GOLPH3L: variants seen among roughly 807,000 people sequenced by gnomAD.
The protein encoded by GOLPH3L is Golgi phosphoprotein 3-like.
GOLPH3L carries 22 observed loss-of-function variants against 30.3 expected under a neutral mutation model. That is an observed-to-expected ratio of 0.73 (90% CI 0.52 to 1.04). GOLPH3L has a LOEUF of 1.04. Ranked by LOEUF, GOLPH3L falls within the 50% of genes least tolerant of loss-of-function variation. The pLI is 0.00. For missense variants in GOLPH3L, 303 were observed against 345.8 expected, an observed-to-expected ratio of 0.88 and a Z score of 0.98; for synonymous variants, 120 against 128.2, an observed-to-expected ratio of 0.94 and a Z score of 0.43.
intron 2 of GOLPH3L, among the ~76,000 whole-genome samples, chr1:150,672,612 G>A (rs948467200): frequency 6.6e-6 from 1 of 152,088 alleles, no homozygotes; most frequent in East Asian, 1.9e-4. Flanking sequence ...TGTATTTTTA[G>A]TAGAGACGGG....
At chr1:150,660,672 G>A (rs936435667) in intron 4 of GOLPH3L, among the ~76,000 whole-genome samples, 3 of 152,196 alleles carry the variant, frequency 2.0e-5, no homozygotes, top group African/African-American at 7.2e-5. Flanking sequence ...TGGTGAATAA[G>A]CTAGGGAAAG....
intron 2 of GOLPH3L, among the ~76,000 whole-genome samples, chr1:150,676,596 C>A (rs1313814316): frequency 6.6e-6 from 1 of 151,364 alleles, no homozygotes; most frequent in Non-Finnish European, 1.5e-5. Context: ...AATCTGGAGC[C>A]AAAGTCCATA....
chr1:150,654,517 A>C (rs1397498555), intron 4 of GOLPH3L, among the ~76,000 whole-genome samples: 1 of 151,054 alleles, frequency 6.6e-6, no homozygotes, highest in Non-Finnish European at 1.5e-5. Flanking sequence ...TAAAAAAAAA[A>C]AACAAAAAAA....
chr1:150,655,208 T>G (rs1407269402), intron 4 of GOLPH3L, among the ~76,000 whole-genome samples: 1 of 152,172 alleles, frequency 6.6e-6, no homozygotes, highest in Non-Finnish European at 1.5e-5. Context: ...TTTCAATCAT[T>G]TCTCTACAGC....
intron 2 of GOLPH3L, among the ~76,000 whole-genome samples, chr1:150,674,166 G>A (rs1435459712): frequency 6.6e-6 from 1 of 151,420 alleles, no homozygotes; most frequent in East Asian, 1.9e-4. Flanking sequence ...TTCAAAAGAG[G>A]CAGTACTCTT....
intron 2 of GOLPH3L, 113 bp from the exon 3 acceptor site, chr1:150,663,876 G>T: frequency 1.3e-6 from 1 of 760,182 alleles, no homozygotes; most frequent in South Asian, 1.8e-5. Flanking sequence ...CATACTACAT[G>T]AACTCAAAGT....
intron 2 of GOLPH3L, among the ~76,000 whole-genome samples, chr1:150,679,113 A>G (rs187530041): frequency 6.6e-6 from 1 of 152,248 alleles, no homozygotes; most frequent in East Asian, 1.9e-4. Flanking sequence ...CAATTTTAAG[A>G]CTGGTATTAT....
chr1:150,667,013 C>G (rs1650523911), intron 2 of GOLPH3L, among the ~76,000 whole-genome samples: 1 of 152,136 alleles, frequency 6.6e-6, no homozygotes, highest in Non-Finnish European at 1.5e-5. Context: ...AGGGAAAGAT[C>G]TGTTTCTGCC....
chr1:150,650,175 T>C (rs1650073526), intron 4 of GOLPH3L, among the ~76,000 whole-genome samples: 1 of 152,022 alleles, frequency 6.6e-6, no homozygotes, highest in Non-Finnish European at 1.5e-5. Context: ...CACACACACA[T>C]ATCCAACAGT....
At chr1:150,663,283 G>T (rs959438564) in intron 3 of GOLPH3L, among the ~76,000 whole-genome samples, 30 of 151,844 alleles carry the variant, frequency 2.0e-4, no homozygotes, top group African/African-American at 6.3e-4. Context: ...CTCATGATCC[G>T]CCCGCCTCGG....
chr1:150,650,450 C>T (rs1650079331), intron 4 of GOLPH3L, among the ~76,000 whole-genome samples: 1 of 152,172 alleles, frequency 6.6e-6, no homozygotes, highest in Admixed American at 6.5e-5. Flanking sequence ...TAGCAGGTGT[C>T]CCCAACCCCT....
intron 2 of GOLPH3L, among the ~76,000 whole-genome samples, chr1:150,664,660 G>A (rs1460291650): frequency 6.6e-6 from 1 of 151,932 alleles, no homozygotes; most frequent in Non-Finnish European, 1.5e-5. Context: ...CACTATGTTG[G>A]TCAAGCTGGT....
Position 150,646,314 on chromosome 1 carries a change from G to T in GOLPH3L, c.*2007C>A, listed in dbSNP as rs1384360878. On this transcript the variant is annotated 3_prime_UTR_variant, in exon 5 of 5. Transcript: ENST00000271732. ...GGAGTTTGGCAGTGAACATTATGCA[G>T]ATTCAAACTGAAGGTATCCTCGTCT... 2 of 152,198 alleles carry T rather than the reference G, an allele frequency of 1.3e-5. No homozygotes were observed. The highest frequency in any genetic ancestry group is 2.9e-5 in the Non-Finnish European group (2 of 68,034). The allele number at this position is 152,198 out of a possible 1,614,324, so 9.4% of individuals were successfully genotyped here.
chr1:150,693,819 G>GTATA (rs1175095529), intron 2 of GOLPH3L, among the ~76,000 whole-genome samples: 25 of 86,858 alleles, frequency 2.9e-4, no homozygotes, highest in African/African-American at 9.0e-4. Context: ...GTGTGTGTGT[G>GTATA]TATATATATA....
At chr1:150,662,364 T>TTAAA (rs924695113) in intron 3 of GOLPH3L, among the ~76,000 whole-genome samples, 62 of 151,472 alleles carry the variant, frequency 4.1e-4, no homozygotes, top group African/African-American at 1.1e-3. Context: ...AAATAAAAAT[T>TTAAA]TAAATAAATA....
intron 2 of GOLPH3L, among the ~76,000 whole-genome samples, chr1:150,691,499 G>C (rs1308981058): frequency 6.6e-6 from 1 of 151,592 alleles, no homozygotes. Context: ...CTGGGTGACA[G>C]AGCAAGACTC....
intron 2 of GOLPH3L, among the ~76,000 whole-genome samples, chr1:150,674,888 T>A (rs1448483060): frequency 6.6e-6 from 1 of 151,316 alleles, no homozygotes; most frequent in Non-Finnish European, 1.5e-5. Flanking sequence ...TGAGACCCTG[T>A]CTCAAAGGAA....
chr1:150,659,590 A>G (rs1650323562), intron 4 of GOLPH3L, among the ~76,000 whole-genome samples: 1 of 152,128 alleles, frequency 6.6e-6, no homozygotes, highest in Non-Finnish European at 1.5e-5. Flanking sequence ...TCTCTGTTCA[A>G]GGCTCTCAGC....
chr1:150,650,440 T>C (rs1650078987), intron 4 of GOLPH3L, among the ~76,000 whole-genome samples: 1 of 152,126 alleles, frequency 6.6e-6, no homozygotes, highest in South Asian at 2.1e-4. Flanking sequence ...GAAACCAGTA[T>C]AGCAGGTGTC....
Sources: gnomAD v4.1 joint callset for allele counts (sites outside exome capture counted in the v4.1 genomes callset) on GRCh38, gnomAD v4.1.1 for gene constraint, MANE v1.5 for transcripts, NCBI Gene and HGNC (gene_info 2026-07-23, HGNC 2026-07-21) for gene names.